ANKS1B: variants seen among roughly 807,000 people sequenced by gnomAD.
ANKS1B encodes the protein ankyrin repeat and sterile alpha motif domain containing 1B.
Under a neutral mutation model 148.3 loss-of-function variants are expected in ANKS1B, and 36 were observed. The observed-to-expected ratio is 0.24, with a 90% CI of 0.19 to 0.32. The LOEUF is 0.32. ANKS1B is among the 10% of genes least tolerant of loss of function. ANKS1B has a pLI of 1.00. For synonymous variants in ANKS1B, 542 were observed against 560.8 expected (o/e 0.97, Z 0.47); for missense variants, 1,157 against 1,542.6 (o/e 0.75, Z 4.19).
At chr12:99,034,497 G>C (rs535756569) in intron 17 of ANKS1B, among the ~76,000 whole-genome samples, 4 of 152,168 alleles carry the variant, frequency 2.6e-5, no homozygotes, top group African/African-American at 9.6e-5. Flanking sequence ...TGCATTTTTT[G>C]TAGAGACGGG....
rs552777695 is a variant in ANKS1B, at chr12:99,191,871, T to C, written c.2420-37476A>G. ...AGAATTGGCTGGGTGCGGTGGCTCA[T>C]GCCTGTAATCCCAGCACTTTGGGAG... is the stretch of plus-strand genomic sequence containing the variant. On this transcript the variant is annotated intron_variant, in intron 14 of 26. Transcript: ENST00000683438. Among the ~76,000 whole-genome samples the C allele has an allele frequency of 5.3e-5, 8 of 152,146 alleles. No individual in the cohort carries two copies. The South Asian group carries it at 1.7e-3, about 32-fold the overall frequency.
chr12:99,542,518 T>TA (rs34058101), intron 9 of ANKS1B, among the ~76,000 whole-genome samples: 6 of 151,648 alleles, frequency 4.0e-5, no homozygotes, highest in Non-Finnish European at 8.8e-5. Flanking sequence ...AAAATCCCTA[T>TA]AAAAAAAATC....
At chr12:99,773,892 C>T (rs902123681) in intron 7 of ANKS1B, among the ~76,000 whole-genome samples, 1 of 151,952 alleles carries the variant, frequency 6.6e-6, no homozygotes, top group African/African-American at 2.4e-5. Flanking sequence ...TCCAAGAACA[C>T]AAAATGTGGA....
intron 12 of ANKS1B, among the ~76,000 whole-genome samples, chr12:99,398,762 C>T (rs576339819): frequency 6.6e-6 from 1 of 152,226 alleles, no homozygotes; most frequent in East Asian, 1.9e-4. Flanking sequence ...CCAATCAAAA[C>T]TTTCCAGCTC....
At chr12:99,684,474 T>C (rs144809607) in intron 8 of ANKS1B, among the ~76,000 whole-genome samples, 44 of 151,428 alleles carry the variant, frequency 2.9e-4, no homozygotes, top group East Asian at 1.6e-3. Flanking sequence ...AAAGAAATCA[T>C]AGATGACACA....
chr12:99,170,361 A>C (rs1018109928), intron 14 of ANKS1B, among the ~76,000 whole-genome samples: 1 of 152,098 alleles, frequency 6.6e-6, no homozygotes, highest in African/African-American at 2.4e-5. Context: ...CATGATTTAA[A>C]TATTTGCTGC....
At chr12:99,819,356 C>G (rs146270489) in intron 2 of ANKS1B, among the ~76,000 whole-genome samples, 72 of 151,904 alleles carry the variant, frequency 4.7e-4, no homozygotes, top group African/African-American at 1.5e-3. Flanking sequence ...AAAGATGTTT[C>G]TAGTTATTCA....
intron 1 of ANKS1B, among the ~76,000 whole-genome samples, chr12:99,830,330 T>C (rs989221447): frequency 2.5e-4 from 38 of 152,142 alleles, no homozygotes; most frequent in Non-Finnish European, 7.4e-5. Flanking sequence ...TCTTATTAAA[T>C]AAATGCTACA....
intron 10 of ANKS1B, among the ~76,000 whole-genome samples, chr12:99,466,001 G>C (rs529271699): frequency 2.6e-5 from 4 of 152,016 alleles, no homozygotes; most frequent in South Asian, 2.1e-4. Flanking sequence ...TTCAGCATCA[G>C]ACCACACCTA....
At chr12:99,215,352 T>A (rs941511662) in intron 14 of ANKS1B, among the ~76,000 whole-genome samples, 2 of 151,980 alleles carry the variant, frequency 1.3e-5, no homozygotes, top group African/African-American at 4.8e-5. Flanking sequence ...TGGGGTCAGA[T>A]CCCCCACACA....
intron 8 of ANKS1B, among the ~76,000 whole-genome samples, chr12:99,680,688 G>A (rs1001161310): frequency 1.3e-5 from 2 of 152,176 alleles, no homozygotes; most frequent in Non-Finnish European, 2.9e-5. Flanking sequence ...CAGGCAGGGA[G>A]GGGTGAAGCC....
intron 17 of ANKS1B, among the ~76,000 whole-genome samples, chr12:98,915,863 A>C (rs1313095947): frequency 6.6e-6 from 1 of 152,094 alleles, no homozygotes; most frequent in Non-Finnish European, 1.5e-5. Context: ...CAAGACTCAA[A>C]TCCAGCTTTC....
chr12:99,269,854 C>T (rs1394692879), intron 12 of ANKS1B, among the ~76,000 whole-genome samples: 2 of 152,108 alleles, frequency 1.3e-5, no homozygotes, highest in South Asian at 4.1e-4. Flanking sequence ...CCACTGCACC[C>T]GGCCGACTTG....
chr12:99,570,292 T>C (rs1223880594), intron 9 of ANKS1B, among the ~76,000 whole-genome samples: 1 of 152,018 alleles, frequency 6.6e-6, no homozygotes, highest in Non-Finnish European at 1.5e-5. Flanking sequence ...TAGCAAATGA[T>C]ATTAATAATT....
At chr12:99,171,726 C>T (rs903757568) in intron 14 of ANKS1B, among the ~76,000 whole-genome samples, 1 of 152,094 alleles carries the variant, frequency 6.6e-6, no homozygotes, top group African/African-American at 2.4e-5. Flanking sequence ...ATAGGCCATA[C>T]CTGATTGGAA....
chr12:98,901,041 T>C (rs189135541), intron 17 of ANKS1B, among the ~76,000 whole-genome samples: 1 of 152,318 alleles, frequency 6.6e-6, no homozygotes, highest in East Asian at 1.9e-4. Context: ...TTTTTAGTAA[T>C]TAGTCAATTG....
chr12:99,148,144 G>T (rs1329112168), intron 15 of ANKS1B, among the ~76,000 whole-genome samples: 2 of 152,046 alleles, frequency 1.3e-5, no homozygotes, highest in Non-Finnish European at 2.9e-5. Context: ...CTGTAATTCA[G>T]CAGCTTTGGT....
At chr12:99,377,990 T>C in intron 12 of ANKS1B, among the ~76,000 whole-genome samples, 1 of 152,198 alleles carries the variant, frequency 6.6e-6, no homozygotes, top group East Asian at 1.9e-4. Flanking sequence ...TCCTAGCCTT[T>C]CCAGATGGCA....
At chr12:99,971,738 G>T (rs943432923) in intron 1 of ANKS1B, among the ~76,000 whole-genome samples, 1 of 152,058 alleles carries the variant, frequency 6.6e-6, no homozygotes, top group Non-Finnish European at 1.5e-5. Flanking sequence ...AAGCCAACTT[G>T]CAACACAATT....
Sources: allele counts gnomAD v4.1 joint callset (sites outside exome capture counted in the v4.1 genomes callset), GRCh38; gene constraint gnomAD v4.1.1; transcripts MANE v1.5; gene names NCBI Gene and HGNC (gene_info 2026-07-23, HGNC 2026-07-21).